Variants in CNKSR3 observed in about 807,000 individuals in gnomAD.
CNKSR3 encodes CNKSR family member 3, also known as connector enhancer of kinase suppressor of ras 3.
A neutral mutation model predicts 67.7 loss-of-function variants in CNKSR3; 36 were observed. That is an observed-to-expected ratio of 0.53 (90% CI 0.41 to 0.70). The LOEUF is 0.70. CNKSR3 is among the 30% of genes least tolerant of loss of function. The pLI is 0.00. For synonymous variants in CNKSR3, 281 were observed against 271.4 expected (o/e 1.04, Z -0.35); for missense variants, 630 against 695.2 (o/e 0.91, Z 1.05).
chr6:154,478,890 G>C (rs1225712632), intron 1 of CNKSR3, among the ~76,000 whole-genome samples: 1 of 152,174 alleles, frequency 6.6e-6, no homozygotes, highest in East Asian at 1.9e-4. Flanking sequence ...ACACTTAAAG[G>C]CTTGCTACAG....
At chr6:154,492,179 C>T (rs1006842746) in intron 1 of CNKSR3, among the ~76,000 whole-genome samples, 8 of 152,188 alleles carry the variant, frequency 5.3e-5, no homozygotes, top group Non-Finnish European at 8.8e-5. Flanking sequence ...ACACCTCCTT[C>T]GCTTGCCTCT....
In CNKSR3 at chr6:154,402,313, C is replaced by T. The variant is rs969686740; in HGVS notation, c.*4041G>A. 7.2e-5 allele frequency: 11 copies of T among 152,178 alleles called. No individual in the cohort carries two copies. Among genetic ancestry groups the T allele is most frequent in the Non-Finnish European group, 1.2e-4 (8 of 68,044 alleles). The allele number at this position is 152,178 out of a possible 1,614,324, so 9.4% of individuals were successfully genotyped here. ...TCATCAACACAACTTTCAATTGCCC[C>T]GCCCAATATTCATATAGATGGGAAC... On this transcript the variant is annotated 3_prime_UTR_variant, in exon 13 of 13. Transcript: ENST00000607772.
At position 154,439,575 on chromosome 6, in the gene CNKSR3, T is replaced by C. The variant is rs1302419818; in HGVS notation, c.507+1717A>G. On this transcript the variant is annotated intron_variant, in intron 4 of 12. Coordinates refer to ENST00000607772, the MANE Select transcript of CNKSR3 (RefSeq NM_173515.4). ...ACAATATTTAACTCTTTCATTTAAT[T>C]GATCGCTAGTAAACTCTGTTAAAAA... 2.0e-5 allele frequency among the ~76,000 whole-genome samples: 3 copies of C among 152,200 alleles called. No homozygotes were observed. The East Asian group carries it at 5.8e-4, about 29-fold the overall frequency.
intron 1 of CNKSR3, among the ~76,000 whole-genome samples, chr6:154,477,011 G>A (rs966949937): frequency 6.6e-6 from 1 of 152,156 alleles, no homozygotes; most frequent in African/African-American, 2.4e-5. Context: ...CAGAAGAACT[G>A]CAGAATGTCT....
intron 1 of CNKSR3, among the ~76,000 whole-genome samples, chr6:154,509,558 AACAG>A (rs1302033613): frequency 6.6e-6 from 1 of 152,008 alleles, no homozygotes; most frequent in Non-Finnish European, 1.5e-5. Flanking sequence ...CTCCAACAAA[AACAG>A]ACAGGCTCGG....
intron 1 of CNKSR3, among the ~76,000 whole-genome samples, chr6:154,506,979 T>G (rs1209390462): frequency 6.6e-6 from 1 of 152,068 alleles, no homozygotes. Flanking sequence ...CCTGAGAAAA[T>G]GGAGTGGAGT....
chr6:154,455,095 G>A (rs1785923399), intron 1 of CNKSR3, among the ~76,000 whole-genome samples: 1 of 124,052 alleles, frequency 8.1e-6, no homozygotes, highest in South Asian at 3.1e-4. Flanking sequence ...TATCACTTGA[G>A]GTCAGGAGTT....
At chr6:154,470,169 A>C (rs6420138) in intron 1 of CNKSR3, among the ~76,000 whole-genome samples, 73,775 of 142,312 alleles carry the variant, frequency 0.52, 21,473 homozygotes, top group African/African-American at 0.79. Context: ...CTCCTGTAAT[A>C]AAGAACCTAC....
chr6:154,428,046 G>A (rs909325259), intron 7 of CNKSR3, 82 bp downstream of exon 7: 8 of 913,744 alleles, frequency 8.8e-6, no homozygotes, highest in East Asian at 5.1e-5. Flanking sequence ...GCATGCACAC[G>A]TTTAAATTCA....
chr6:154,463,803 C>T (rs974990232), intron 1 of CNKSR3, among the ~76,000 whole-genome samples: 2 of 152,138 alleles, frequency 1.3e-5, no homozygotes, highest in African/African-American at 4.8e-5. Flanking sequence ...GATCACTTGG[C>T]TTCTTCACTG....
At chr6:154,418,166 C>T (rs1785060345) in intron 9 of CNKSR3, among the ~76,000 whole-genome samples, 1 of 152,192 alleles carries the variant, frequency 6.6e-6, no homozygotes, top group Non-Finnish European at 1.5e-5. Context: ...CTGCCTCGCC[C>T]GAGCAGGGCC....
chr6:154,415,099 A>AG, intron 9 of CNKSR3, among the ~76,000 whole-genome samples: 2 of 109,876 alleles, frequency 1.8e-5, no homozygotes, highest in African/African-American at 7.4e-5. Flanking sequence ...CTCTGTCTCA[A>AG]AAAAAAAAAA....
intron 3 of CNKSR3, 82 bp downstream of exon 3, chr6:154,442,006 T>C: frequency 7.7e-7 from 1 of 1,305,852 alleles, no homozygotes; most frequent in Non-Finnish European, 1.0e-6. Flanking sequence ...ATGGTTCCTT[T>C]TCCTAAGACA....
intron 6 of CNKSR3, among the ~76,000 whole-genome samples, chr6:154,430,204 T>C (rs1403183259): frequency 6.6e-6 from 1 of 152,222 alleles, no homozygotes; most frequent in Non-Finnish European, 1.5e-5. Context: ...GTGTTTTATA[T>C]TTCCTTGCAT....
chr6:154,459,585 G>A (rs546417097), intron 1 of CNKSR3, among the ~76,000 whole-genome samples: 25 of 152,206 alleles, frequency 1.6e-4, no homozygotes, highest in Non-Finnish European at 3.2e-4. Flanking sequence ...GCAAAAACAG[G>A]TGGAATGGAA....
rs544903373 is a variant in CNKSR3, at chr6:154,410,625, C to T, written c.1280-193G>A. On this transcript the variant is annotated intron_variant, in intron 11 of 12. Transcript: ENST00000607772. ...AAATAGAGTGCTACTAAGATAGAGG[C>T]ACATTAAACTTGAGCCTGTGAGTCT... Among the ~76,000 whole-genome samples the T allele has an allele frequency of 9.2e-5, 14 of 152,246 alleles. No homozygotes were observed. In the East Asian group the frequency reaches 9.7e-4, roughly 10 times the overall value.
intron 1 of CNKSR3, among the ~76,000 whole-genome samples, chr6:154,450,934 C>A (rs9384222): frequency 0.62 from 94,001 of 152,090 alleles, 29,178 homozygotes; most frequent in East Asian, 0.76. Context: ...ATCCTATATG[C>A]CCCTGGATCT....
At chr6:154,419,583 A>G (rs1584061768) in intron 9 of CNKSR3, among the ~76,000 whole-genome samples, 1 of 152,176 alleles carries the variant, frequency 6.6e-6, no homozygotes. Context: ...TATGGAAAAC[A>G]CTACGGAGGT....
intron 1 of CNKSR3, among the ~76,000 whole-genome samples, chr6:154,495,988 GA>G (rs1157637393): frequency 2.0e-5 from 3 of 151,988 alleles, no homozygotes; most frequent in African/African-American, 7.3e-5. Context: ...AGTGAATTCA[GA>G]ACAAACTCCC....
Sources: gnomAD v4.1 joint callset for allele counts (sites outside exome capture counted in the v4.1 genomes callset) on GRCh38, gnomAD v4.1.1 for gene constraint, MANE v1.5 for transcripts, NCBI Gene and HGNC (gene_info 2026-07-23, HGNC 2026-07-21) for gene names.